The following DOP1B variants were observed in gnomAD, a reference collection of about 807,000 sequenced individuals.
The protein encoded by DOP1B is DOP1 leucine zipper like protein B.
DOP1B carries 174 observed loss-of-function variants against 233.5 expected under a neutral mutation model. The observed-to-expected ratio is 0.75, with a 90% CI of 0.66 to 0.85. The LOEUF (loss-of-function observed/expected upper bound fraction) is 0.85, where lower values mean the gene tolerates loss of function less well. DOP1B is among the 40% of genes least tolerant of loss of function. The pLI, the probability that DOP1B is intolerant of heterozygous loss-of-function variation, is 0.00. For missense variants in DOP1B, 2,652 were observed against 2,846.6 expected (o/e 0.93, Z 1.56); for synonymous variants, 1,190 against 1,185.6 (o/e 1.00, Z -0.08).
Position 36,246,646 on chromosome 21 carries a change from T to C in DOP1B, c.4666T>C (p.Tyr1556His), listed in dbSNP as rs776375204. Reference protein sequence around the residue: ...CKNLDDLVKQYESESVKLSVS... With the variant: ...CKNLDDLVKQHESESVKLSVS... ...AAACTTGGATGACTTGGTCAAGCAG[T>C]ATGAAAGCGAATCTGTGAAGCTCTC... The change falls in exon 19 of 37, where the codon TAT becomes CAT. Residue 1556 changes from tyrosine (Y) to histidine (H), a missense_variant. Physicochemically the swap from Tyr to His is moderately conservative, Grantham distance 83. Around this residue, in one of 3 missense-constraint regions of DOP1B, gnomAD observed 2,617 missense variants for 2,794.3 expected, o/e 0.94. Transcript: ENST00000691173. The surrounding 1 kb of genome is among the most constrained non-coding windows in gnomAD (Gnocchi z 5.1). 1 of 1,612,756 alleles carries C rather than the reference T, an allele frequency of 6.2e-7. No individual in the cohort carries two copies. The highest frequency in any genetic ancestry group is 2.2e-5 in the East Asian group (1 of 44,818).
At chr21:36,283,841 T>G (rs1379442825) in intron 32 of DOP1B, among the ~76,000 whole-genome samples, 1 of 152,048 alleles carries the variant, frequency 6.6e-6, no homozygotes, top group Admixed American at 6.6e-5. Context: ...GTAAGCCTAC[T>G]TTCTCAGTGG....
chr21:36,239,647 C>A, intron 17 of DOP1B, 118 bp from the exon 18 acceptor site: 3 of 1,196,002 alleles, frequency 2.5e-6, no homozygotes, highest in South Asian at 1.7e-5. Flanking sequence ...GGAAGTCCAG[C>A]TTGGGTGGAG....
At chr21:36,227,428 T>C (rs1275663037) in intron 12 of DOP1B, among the ~76,000 whole-genome samples, 1 of 150,730 alleles carries the variant, frequency 6.6e-6, no homozygotes. Context: ...GCACCTGTAG[T>C]CCCAGCTGCT....
chr21:36,181,419 C>T (rs1216572167), intron 2 of DOP1B, among the ~76,000 whole-genome samples: 9 of 152,152 alleles, frequency 5.9e-5, no homozygotes, highest in African/African-American at 1.7e-4. Context: ...GCTGGGATTA[C>T]AGGCGTGTGC....
chr21:36,235,995 A>G (rs940914877), intron 15 of DOP1B, among the ~76,000 whole-genome samples: 3 of 152,224 alleles, frequency 2.0e-5, no homozygotes, highest in African/African-American at 7.2e-5. Flanking sequence ...GTCAGTGGTT[A>G]ACTTGATCTA....
intron 26 of DOP1B, among the ~76,000 whole-genome samples, chr21:36,266,010 G>A (rs1444668834): frequency 6.6e-6 from 1 of 151,896 alleles, no homozygotes; most frequent in East Asian, 1.9e-4. Flanking sequence ...AGTCCCACAA[G>A]ACTGCCCCAC....
intron 32 of DOP1B, among the ~76,000 whole-genome samples, chr21:36,283,047 T>G (rs947655759): frequency 1.6e-4 from 23 of 140,710 alleles, no homozygotes; most frequent in African/African-American, 5.0e-4. Flanking sequence ...TTCCTTCTCA[T>G]AAAATGTTCA....
intron 4 of DOP1B, among the ~76,000 whole-genome samples, chr21:36,208,297 C>T (rs1019832581): frequency 6.6e-6 from 1 of 152,224 alleles, no homozygotes; most frequent in Non-Finnish European, 1.5e-5. Context: ...GTCTCCTCAG[C>T]ATATGCTTGT....
chr21:36,198,232 A>G (rs567891703), intron 2 of DOP1B, among the ~76,000 whole-genome samples: 3 of 152,180 alleles, frequency 2.0e-5, no homozygotes, highest in Admixed American at 6.5e-5. Flanking sequence ...GATTGAGACC[A>G]TCCTGGCTAA....
At position 36,246,144 on chromosome 21, in the gene DOP1B, G is replaced by C. The variant is rs770289131; in HGVS notation, c.4164G>C (p.Leu1388=). The change falls in exon 19 of 37, where the codon CTG becomes CTC. Residue 1388 remains leucine, a synonymous_variant. Transcript: ENST00000691173. This position sits in a 1 kb window ranked among gnomAD's most constrained non-coding sequence, Gnocchi z 5.1. ...GGTGCAAAGTTCAGGAGTTTGTCCT[G>C]CTCTCCCTGTCGGCGTCCATGTACA... ...LQRCKVQEFV[L]LSLSASMYTS... 4 of 1,613,896 alleles carry C rather than the reference G, an allele frequency of 2.5e-6. No homozygotes were observed. The South Asian group carries it at 3.3e-5, about 13-fold the overall frequency.
intron 2 of DOP1B, among the ~76,000 whole-genome samples, chr21:36,186,047 A>G (rs2066161726): frequency 6.6e-6 from 1 of 152,292 alleles, no homozygotes; most frequent in Non-Finnish European, 1.5e-5. Context: ...TACTAAAAAT[A>G]CAAAAATTAG....
At chr21:36,219,994 C>T (rs1227968663) in intron 10 of DOP1B, among the ~76,000 whole-genome samples, 2 of 151,960 alleles carry the variant, frequency 1.3e-5, no homozygotes, top group Non-Finnish European at 2.9e-5. Context: ...GCTCCATTCC[C>T]CCAGAGGCAG....
chr21:36,168,207 G>A (rs573649305), intron 2 of DOP1B, among the ~76,000 whole-genome samples: 15 of 152,070 alleles, frequency 9.9e-5, no homozygotes, highest in African/African-American at 3.1e-4. Flanking sequence ...GCCTCCCAAA[G>A]TGCTGGGATT....
intron 2 of DOP1B, among the ~76,000 whole-genome samples, chr21:36,174,831 A>T (rs908338117): frequency 3.3e-5 from 5 of 152,108 alleles, no homozygotes; most frequent in African/African-American, 1.2e-4. Context: ...TGCCTGAATC[A>T]ACTCCTCTTC....
intron 2 of DOP1B, among the ~76,000 whole-genome samples, chr21:36,197,835 C>T (rs2066309387): frequency 6.6e-6 from 1 of 151,708 alleles, no homozygotes; most frequent in Non-Finnish European, 1.5e-5. Context: ...CATGGTGAAA[C>T]CCCATCTCTA....
chr21:36,169,029 T>C (rs952898311), intron 2 of DOP1B: 4 of 839,560 alleles, frequency 4.8e-6, no homozygotes, highest in Admixed American at 1.7e-5. Flanking sequence ...AATGCTTTCT[T>C]CTCCTCCATG....
At chr21:36,165,104 A>C (rs1384844623) in intron 2 of DOP1B, among the ~76,000 whole-genome samples, 1 of 152,184 alleles carries the variant, frequency 6.6e-6, no homozygotes, top group Admixed American at 6.5e-5. Context: ...TCTGTCCTCC[A>C]GTGTTACCCA....
rs895422607 is a variant in DOP1B at position 36,186,203 on chromosome 21, AC to A, written c.139-12866del. Among the ~76,000 whole-genome samples the A allele has an allele frequency of 7.9e-5, 11 of 139,806 alleles. No individual in the cohort carries two copies. The Admixed American group carries it at 7.9e-4, about 10-fold the overall frequency. The allele number at this position is 139,806 out of a possible 152,430, so 91.7% of individuals were successfully genotyped here. A position where few individuals can be genotyped will look rare whatever the true frequency, so the allele number is the denominator to read the frequency against. On this transcript the variant is annotated intron_variant, in intron 2 of 36. Coordinates refer to ENST00000691173, the MANE Select transcript of DOP1B (RefSeq NM_001320714.2). Reference sequence around the variant, plus strand: ...GGGCAACAGAACGAGACTTCGTCTCACAAAAAAAAAAAGAAGTAATTTTCTG... The same window carrying A: ...GGGCAACAGAACGAGACTTCGTCTCAAAAAAAAAAAAGAAGTAATTTTCTG...
At chr21:36,195,698 T>C (rs564001648) in intron 2 of DOP1B, among the ~76,000 whole-genome samples, 1 of 152,350 alleles carries the variant, frequency 6.6e-6, no homozygotes, top group African/African-American at 2.4e-5. Flanking sequence ...CAATCAGTTC[T>C]ATTAATTTGA....
Sources: gnomAD v4.1 joint callset for allele counts (sites outside exome capture counted in the v4.1 genomes callset) on GRCh38, gnomAD v4.1.1 for gene constraint, gnomAD v4.1.1 regional missense constraint, Gnocchi (gnomAD v3.1) non-coding constraint, MANE v1.5 for transcripts, NCBI Gene and HGNC (gene_info 2026-07-23, HGNC 2026-07-21) for gene names.